AGBL1: variants seen among roughly 807,000 people sequenced by gnomAD.
AGBL1 encodes cytosolic carboxypeptidase 4.
AGBL1 carries 130 observed loss-of-function variants against 118.9 expected under a neutral mutation model. That is an observed-to-expected ratio of 1.09 (90% CI 0.95 to 1.26). The LOEUF is 1.26. Among genes scored for constraint, AGBL1 ranks in the 50% most tolerant of loss-of-function variants. AGBL1 has a pLI of 0.00. For missense variants in AGBL1, 1,584 were observed against 1,298.1 expected (o/e 1.22, Z -3.38); for synonymous variants, 555 against 478.9 (o/e 1.16, Z -2.08).
At chr15:86,248,331 G>A (rs112339271) in intron 7 of AGBL1, among the ~76,000 whole-genome samples, 2 of 152,038 alleles carry the variant, frequency 1.3e-5, no homozygotes, top group South Asian at 2.1e-4. Flanking sequence ...CAACAGCAAC[G>A]GCAACAATAA....
intron 21 of AGBL1, among the ~76,000 whole-genome samples, chr15:86,656,479 G>C (rs1395894914): frequency 2.0e-5 from 3 of 152,112 alleles, no homozygotes; most frequent in East Asian, 1.9e-4. Context: ...TGCTTGTTGA[G>C]GTTCTAATGA....
chr15:86,090,817 A>G (rs968592770), intron 1 of AGBL1, among the ~76,000 whole-genome samples: 1 of 151,970 alleles, frequency 6.6e-6, no homozygotes, highest in African/African-American at 2.4e-5. Flanking sequence ...ACACCATATC[A>G]TTTCCTTTTT....
intron 17 of AGBL1, among the ~76,000 whole-genome samples, chr15:86,302,056 A>G (rs1597705407): frequency 6.6e-6 from 1 of 152,134 alleles, no homozygotes; most frequent in East Asian, 1.9e-4. Context: ...CTCTTCAGAT[A>G]CAAACCCTCA....
intron 24 of AGBL1, among the ~76,000 whole-genome samples, chr15:87,004,303 C>T (rs879689806): frequency 0.099 from 15,032 of 152,096 alleles, 1,322 homozygotes; most frequent in African/African-American, 0.23. Context: ...GACTCCCACA[C>T]AATTATAGTG....
chr15:86,627,089 C>G (rs995457789), intron 21 of AGBL1, among the ~76,000 whole-genome samples: 8 of 152,128 alleles, frequency 5.3e-5, no homozygotes, highest in Non-Finnish European at 1.0e-4. Flanking sequence ...CAACCTCCGC[C>G]TCCTGGGTTC....
chr15:86,461,846 A>G (rs991614126), intron 18 of AGBL1, among the ~76,000 whole-genome samples: 3 of 151,994 alleles, frequency 2.0e-5, no homozygotes, highest in Admixed American at 6.6e-5. Context: ...CTATGGCTAC[A>G]TTTATGGTTA....
intron 5 of AGBL1, among the ~76,000 whole-genome samples, chr15:86,160,872 A>C (rs2077258571): frequency 6.6e-6 from 1 of 152,192 alleles, no homozygotes; most frequent in South Asian, 2.1e-4. Flanking sequence ...GTATCAAGGC[A>C]CTAGGTCTCT....
At chr15:86,567,097 G>T (rs1170839723) in intron 21 of AGBL1, among the ~76,000 whole-genome samples, 1 of 152,252 alleles carries the variant, frequency 6.6e-6, no homozygotes, top group East Asian at 1.9e-4. Flanking sequence ...ATCATTAATG[G>T]TGGTTTTCTT....
intron 5 of AGBL1, among the ~76,000 whole-genome samples, chr15:86,190,529 A>G (rs2077702680): frequency 6.6e-6 from 1 of 152,080 alleles, no homozygotes; most frequent in Non-Finnish European, 1.5e-5. Context: ...TCTTGGATTG[A>G]CTTTCTAAAA....
chr15:86,859,036 C>T (rs576541394), intron 22 of AGBL1, among the ~76,000 whole-genome samples: 6 of 152,330 alleles, frequency 3.9e-5, no homozygotes, highest in Non-Finnish European at 7.3e-5. Flanking sequence ...AGACTAGGCT[C>T]AACTGCTGCC....
chr15:86,182,545 GC>G (rs1333401819), intron 5 of AGBL1, among the ~76,000 whole-genome samples: 1 of 152,062 alleles, frequency 6.6e-6, no homozygotes, highest in African/African-American at 2.4e-5. Context: ...TCTCGAGAAT[GC>G]AAATCAAGTA....
intron 1 of AGBL1, among the ~76,000 whole-genome samples, chr15:86,109,286 A>G (rs1429183163): frequency 1.3e-5 from 2 of 152,236 alleles, no homozygotes; most frequent in Non-Finnish European, 2.9e-5. Flanking sequence ...CTACAAATAC[A>G]AAATTAAGTA....
intron 18 of AGBL1, among the ~76,000 whole-genome samples, chr15:86,517,993 A>C (rs954478393): frequency 1.3e-5 from 2 of 152,156 alleles, no homozygotes; most frequent in Admixed American, 6.6e-5. Context: ...GCTGCTGCCT[A>C]AATCTCAAAC....
At chr15:86,269,861 CT>C in intron 13 of AGBL1, 57 bp from the exon 14 acceptor site, 6 of 1,582,416 alleles carry the variant, frequency 3.8e-6, no homozygotes, top group Non-Finnish European at 5.2e-6. Context: ...TTCTTAGTGT[CT>C]GAAGTTTACC....
chr15:86,930,950 T>TA (rs1439305803), intron 23 of AGBL1, among the ~76,000 whole-genome samples: 1 of 152,126 alleles, frequency 6.6e-6, no homozygotes, highest in Non-Finnish European at 1.5e-5. Flanking sequence ...ATAAATCCCT[T>TA]AGTTGTTTTT....
chr15:86,952,220 C>G (rs1219013738), intron 23 of AGBL1, among the ~76,000 whole-genome samples: 3 of 150,264 alleles, frequency 2.0e-5, no homozygotes, highest in Non-Finnish European at 3.0e-5. Flanking sequence ...AAGAGCAAAA[C>G]TCTGTCTCAA....
At chr15:86,311,754 A>G (rs1231382012) in intron 17 of AGBL1, among the ~76,000 whole-genome samples, 1 of 152,208 alleles carries the variant, frequency 6.6e-6, no homozygotes, top group Non-Finnish European at 1.5e-5. Flanking sequence ...GCTCAAAAAG[A>G]CAAGTTATTC....
At position 86,668,954 on chromosome 15, in the gene AGBL1, A is replaced by G. The variant is rs116351404; in HGVS notation, c.2995-5319A>G. ...AGATTTGGAATCACAATTCAAATGT[A>G]CCTGTAGCTCAAAAGGCCTCAAGCC... is the stretch of plus-strand genomic sequence containing the variant. On this transcript the variant is annotated intron_variant, in intron 21 of 22. Coordinates refer to ENST00000614907, the MANE Select transcript of AGBL1 (RefSeq NM_001386094.1). Among the ~76,000 whole-genome samples, 1,017 of 152,300 alleles carry G rather than the reference A, an allele frequency of 6.7e-3. 7 individuals carry two copies. Among genetic ancestry groups the G allele is most frequent in the East Asian group, 0.02 (105 of 5,164 alleles).
intron 21 of AGBL1, among the ~76,000 whole-genome samples, chr15:86,581,223 T>G (rs2084167845): frequency 6.6e-6 from 1 of 152,164 alleles, no homozygotes; most frequent in Admixed American, 6.6e-5. Context: ...AGTTCAACAA[T>G]ATATACGACA....
Sources: allele counts gnomAD v4.1 joint callset (sites outside exome capture counted in the v4.1 genomes callset), GRCh38; gene constraint gnomAD v4.1.1; transcripts MANE v1.5; gene names NCBI Gene and HGNC (gene_info 2026-07-23, HGNC 2026-07-21).